TRMT2B: variants seen among roughly 807,000 people sequenced by gnomAD.
TRMT2B encodes the protein tRNA (uracil-5-)-methyltransferase homolog B.
TRMT2B carries 34 observed loss-of-function variants against 39.7 expected under a neutral mutation model. That is an observed-to-expected ratio of 0.86 (90% CI 0.65 to 1.14). The LOEUF (loss-of-function observed/expected upper bound fraction) is 1.14. Among genes scored for constraint, TRMT2B ranks in the 50% most tolerant of loss-of-function variants. TRMT2B has a pLI of 0.00. For missense variants in TRMT2B, 318 were observed against 377.2 expected (o/e 0.84, Z 1.30); for synonymous variants, 132 against 137.3 (o/e 0.96, Z 0.27).
chrX:101,030,573 G>A (rs1198702949), intron 7 of TRMT2B, among the ~76,000 whole-genome samples: 1 of 106,371 alleles, frequency 9.4e-6, no homozygotes, highest in Admixed American at 1.0e-4. Context: ...TCAGCCTCCT[G>A]AGAATCTGGG....
In TRMT2B at chrX:101,009,511, T is replaced by C. The variant is rs765688826; in HGVS notation, c.*1070A>G. The C allele has an allele frequency of 9.4e-6, 1 of 106,175 alleles. No homozygotes were observed. Among genetic ancestry groups the C allele is most frequent in the African/African-American group, 3.4e-5 (1 of 29,073 alleles). 8.8% of individuals were successfully genotyped at this position (106,175 alleles called of 1,213,427 possible). A position where few individuals can be genotyped will look rare whatever the true frequency, so the allele number is the denominator to read the frequency against. On this transcript the variant is annotated 3_prime_UTR_variant, in exon 14 of 14. Transcript: ENST00000372936. ...TCCTCCACGGGTGAGAGTTAATTGG[T>C]GCTATTGCTCCTAGGGATAACTACA...
the TRMT2B span, among the ~76,000 whole-genome samples, chrX:101,002,427 C>T: frequency 8.9e-6 from 1 of 112,029 alleles, no homozygotes; most frequent in Non-Finnish European, 1.9e-5. Context: ...CTTTACCTGG[C>T]TTTTTTGGAG....
the TRMT2B span, among the ~76,000 whole-genome samples, chrX:100,975,464 C>A: frequency 9.0e-6 from 1 of 111,367 alleles, no homozygotes; most frequent in Non-Finnish European, 1.9e-5. Flanking sequence ...CAAGTCCATC[C>A]CCTAAATTGT....
chrX:100,985,982 AG>A, the TRMT2B span: 3 of 1,129,146 alleles, frequency 2.7e-6, no homozygotes, highest in Non-Finnish European at 3.5e-6. Flanking sequence ...ATAGAAATGA[AG>A]GGTGGGGTGG....
chrX:101,027,539 G>C (rs539621489), intron 7 of TRMT2B, among the ~76,000 whole-genome samples: 5 of 110,188 alleles, frequency 4.5e-5, no homozygotes, highest in African/African-American at 1.6e-4. Context: ...ACGGACTCCT[G>C]TTTCTTACAA....
At chrX:101,037,234 T>C (rs980839572) in intron 5 of TRMT2B, 161 bp from the exon 6 acceptor site, 1 of 437,135 alleles carries the variant, frequency 2.3e-6, no homozygotes, top group East Asian at 3.8e-5. Context: ...ATCAAGACAG[T>C]CCATAGAAGG....
chrX:101,051,469 C>T lies in TRMT2B; in HGVS notation c.-242G>A. 1 of 754,840 alleles carries T rather than the reference C, an allele frequency of 1.3e-6. No homozygotes were observed. The allele number at this position is 754,840 out of a possible 1,213,427, so 62.2% of individuals were successfully genotyped here. On this transcript the variant is annotated 5_prime_UTR_variant, in exon 2 of 14. The change abolishes an upstream ATG in the 5' untranslated region. Coordinates refer to ENST00000372936, the MANE Select transcript of TRMT2B (RefSeq NM_024917.6). ...CCCAACAAGACTCCACTAGCCCTTC[C>T]ATTCCCTTCTTCTTTAGGCAAGTTC... is the stretch of plus-strand genomic sequence containing the variant.
chrX:100,992,053 C>T, the TRMT2B span, among the ~76,000 whole-genome samples: 1 of 111,456 alleles, frequency 9.0e-6, no homozygotes, highest in Non-Finnish European at 1.9e-5. Flanking sequence ...CTCAAATGTT[C>T]TAGCATAAAG....
intron 6 of TRMT2B, among the ~76,000 whole-genome samples, chrX:101,035,952 T>C (rs1200139682): frequency 8.9e-6 from 1 of 111,841 alleles, no homozygotes; most frequent in Non-Finnish European, 1.9e-5. Context: ...AAGAGGGAAA[T>C]AAAATGTAAT....
chrX:101,035,499 G>T, intron 7 of TRMT2B, 114 bp downstream of exon 7: 2 of 642,117 alleles, frequency 3.1e-6, no homozygotes, highest in Non-Finnish European at 5.2e-6. Context: ...TCAGTACAGA[G>T]CCCCTCCTTC....
At chrX:100,991,568 G>C in the TRMT2B span, among the ~76,000 whole-genome samples, 1 of 111,071 alleles carries the variant, frequency 9.0e-6, no homozygotes, top group Admixed American at 9.6e-5. Context: ...TAGAGACGGG[G>C]TTTCACCGTG....
the TRMT2B span, among the ~76,000 whole-genome samples, chrX:100,999,127 A>G: frequency 1.6e-4 from 18 of 112,584 alleles, no homozygotes; most frequent in South Asian, 7.4e-4. Context: ...CCTAACAGTC[A>G]CAAATGGACT....
chrX:100,973,776 T>G, the TRMT2B span: 1 of 1,176,791 alleles, frequency 8.5e-7, no homozygotes, highest in Non-Finnish European at 1.2e-6. Flanking sequence ...TCCCTAGGCC[T>G]ATTCCACTAT....
At chrX:101,016,468 T>G (rs1279088558) in intron 13 of TRMT2B, among the ~76,000 whole-genome samples, 1 of 109,238 alleles carries the variant, frequency 9.2e-6, no homozygotes, top group Non-Finnish European at 1.9e-5. Flanking sequence ...ACAAAACATC[T>G]TTTTAAATTT....
chrX:100,986,017 C>A, the TRMT2B span: 1 of 990,849 alleles, frequency 1.0e-6, no homozygotes. Flanking sequence ...CCCAGCTAGG[C>A]CTCCTGTTCC....
Position 101,038,016 on chromosome X carries a change from T to A in TRMT2B, c.339A>T (p.Arg113Ser). 8.3e-7 allele frequency: 1 copy of A among 1,209,744 alleles called. No individual in the cohort carries two copies. Among genetic ancestry groups the A allele is most frequent in the Non-Finnish European group, 1.1e-6 (1 of 894,421 alleles). Residue 113 changes from arginine to serine, a missense_variant, in exon 5 of 14, where the codon AGA (arginine) becomes AGT (serine). By Grantham distance (110) the Arg-to-Ser change is moderately radical. Transcript: ENST00000372936. ...KFAAQKKILQ[R>S]LESYIQMLNG... Reference sequence around the variant, plus strand: ...TGAGCATTTGGATGTAAGACTCTAGTCTTTGTAAAATTTTCTTCTGAGCTG... The same window carrying A: ...TGAGCATTTGGATGTAAGACTCTAGACTTTGTAAAATTTTCTTCTGAGCTG...
chrX:100,989,221 T>C, the TRMT2B span, among the ~76,000 whole-genome samples: 199 of 111,550 alleles, frequency 1.8e-3, 1 homozygote, highest in African/African-American at 6.0e-3. Context: ...TATACAGATA[T>C]AGAAATACCT....
chrX:100,986,940 C>A, the TRMT2B span: 1 of 968,406 alleles, frequency 1.0e-6, no homozygotes, highest in Non-Finnish European at 1.4e-6. Flanking sequence ...CCTCTGGAGC[C>A]CAGCTGATGC....
At chrX:100,976,400 G>A in the TRMT2B span, among the ~76,000 whole-genome samples, 4 of 110,752 alleles carry the variant, frequency 3.6e-5, no homozygotes, top group Admixed American at 2.9e-4. Flanking sequence ...CCTGTGCTCA[G>A]TGAATACCTG....
Sources: allele counts gnomAD v4.1 joint callset (sites outside exome capture counted in the v4.1 genomes callset), GRCh38; gene constraint gnomAD v4.1.1; transcripts MANE v1.5; gene names NCBI Gene and HGNC (gene_info 2026-07-23, HGNC 2026-07-21).